L3MBTL3: variants seen among roughly 807,000 people sequenced by gnomAD.
L3MBTL3 encodes L3MBTL histone methyl-lysine binding protein 3.
A neutral mutation model predicts 102.3 loss-of-function variants in L3MBTL3; 27 were observed. The observed-to-expected ratio is 0.26, with a 90% CI of 0.19 to 0.36. The LOEUF (loss-of-function observed/expected upper bound fraction) is 0.36. Ranked by LOEUF, L3MBTL3 falls within the 10% of genes least tolerant of loss-of-function variation. L3MBTL3 has a pLI of 1.00. For synonymous variants in L3MBTL3, 340 were observed against 320.9 expected, an observed-to-expected ratio of 1.06 and a Z score of -0.64; for missense variants, 798 against 955.3, an observed-to-expected ratio of 0.84 and a Z score of 2.17.
At chr6:130,056,648 G>A (rs1203063530) in intron 8 of L3MBTL3, among the ~76,000 whole-genome samples, 2 of 152,104 alleles carry the variant, frequency 1.3e-5, no homozygotes, top group African/African-American at 4.8e-5. Flanking sequence ...TCTGCACTCT[G>A]CCTCCAAATG....
intron 20 of L3MBTL3, among the ~76,000 whole-genome samples, chr6:130,122,586 TAGAA>T (rs1786306293): frequency 6.6e-6 from 1 of 152,236 alleles, no homozygotes; most frequent in South Asian, 2.1e-4. Context: ...GCCTGGCACA[TAGAA>T]AGTGCTATGC....
intron 10 of L3MBTL3, among the ~76,000 whole-genome samples, chr6:130,061,297 C>G (rs1202320662): frequency 6.6e-6 from 1 of 152,120 alleles, no homozygotes; most frequent in African/African-American, 2.4e-5. Context: ...GTTGGCCAGG[C>G]TGGTCTCGAA....
At position 130,116,862 on chromosome 6, in the gene L3MBTL3, G is replaced by A. The variant is rs189538700; in HGVS notation, c.1887-4017G>A. ...AGGAAAGCAGGTCAGGAAATGTTTA[G>A]GTTGACAATAATTGTGGTATTAAAA... On this transcript the variant is annotated intron_variant, in intron 19 of 22. Coordinates refer to ENST00000361794, the MANE Select transcript of L3MBTL3 (RefSeq NM_032438.4). 7.7e-3 allele frequency among the ~76,000 whole-genome samples: 1,174 copies of A among 151,922 alleles called. 61 individuals carry two copies. The highest frequency in any genetic ancestry group is 0.07 in the Admixed American group (1,063 of 15,268).
chr6:130,035,666 A>G (rs566912746), intron 2 of L3MBTL3, among the ~76,000 whole-genome samples: 3 of 152,330 alleles, frequency 2.0e-5, no homozygotes, highest in Admixed American at 1.3e-4. Context: ...CTGGGCATCA[A>G]TGCCTTTGGT....
chr6:130,094,495 C>A (rs1784242862), intron 18 of L3MBTL3, 128 bp downstream of exon 18: 1 of 478,870 alleles, frequency 2.1e-6, no homozygotes, highest in Non-Finnish European at 3.6e-6. Flanking sequence ...AATGTGGTTA[C>A]CATGGTGATC....
intron 10 of L3MBTL3, among the ~76,000 whole-genome samples, chr6:130,065,343 G>A (rs1184690866): frequency 6.6e-6 from 1 of 152,016 alleles, no homozygotes; most frequent in East Asian, 1.9e-4. Context: ...ATATACTTAT[G>A]TATATACACA....
At chr6:130,098,794 C>T (rs1471605089) in intron 18 of L3MBTL3, among the ~76,000 whole-genome samples, 1 of 151,816 alleles carries the variant, frequency 6.6e-6, no homozygotes, top group Non-Finnish European at 1.5e-5. Context: ...GCACTGAAGT[C>T]CCTGCTCTTA....
In L3MBTL3 at chr6:130,104,530, A is replaced by G. The variant is rs539854233; in HGVS notation, c.1841A>G (p.Asn614Ser). 3 of 1,592,716 alleles carry G rather than the reference A, an allele frequency of 1.9e-6. No individual in the cohort carries two copies. Among genetic ancestry groups the G allele is most frequent in the East Asian group, 2.3e-5 (1 of 44,002 alleles). Reference protein sequence around the residue: ...MPPASPSFPRNKRTDANESSS... With the variant: ...MPPASPSFPRSKRTDANESSS... Reference sequence around the variant, plus strand: ...CCGGCTAGTCCGTCATTTCCAAGAAATAAAAGGACAGATGCAAATGAAAGC... The same window carrying G: ...CCGGCTAGTCCGTCATTTCCAAGAAGTAAAAGGACAGATGCAAATGAAAGC... The change falls in exon 19 of 23, where the codon AAT becomes AGT. Residue 614 changes from asparagine (N) to serine (S), a missense_variant. Physicochemically the swap from Asn to Ser is conservative, Grantham distance 46. Transcript: ENST00000361794.
intron 20 of L3MBTL3, among the ~76,000 whole-genome samples, chr6:130,123,800 A>C (rs965562859): frequency 6.6e-6 from 1 of 152,126 alleles, no homozygotes; most frequent in Non-Finnish European, 1.5e-5. Flanking sequence ...CCTAAAATCC[A>C]GGGAGCTTTG....
In L3MBTL3 at chr6:130,133,095, C is replaced by A. The variant is rs550926656; in HGVS notation, c.1967-357C>A. Among the ~76,000 whole-genome samples, 2 of 152,138 alleles carry A rather than the reference C, an allele frequency of 1.3e-5. No homozygotes were observed. Among genetic ancestry groups the A allele is most frequent in the Non-Finnish European group, 2.9e-5 (2 of 68,042 alleles). On this transcript the variant is annotated intron_variant, in intron 20 of 22. Coordinates refer to ENST00000361794, the MANE Select transcript of L3MBTL3 (RefSeq NM_032438.4). The surrounding 1 kb of genome is among the most constrained non-coding windows in gnomAD (Gnocchi z 4.9). The stretch of plus-strand genomic sequence containing the variant: ...AACTTGGCTGTTACCTTTACAACAT[C>A]CAAAGCAGAAAGGGGAGCAAATAAA...
chr6:130,104,721 A>G, intron 19 of L3MBTL3, 146 bp downstream of exon 19: 1 of 513,372 alleles, frequency 1.9e-6, no homozygotes, highest in Non-Finnish European at 3.1e-6. Context: ...GATGGTAGAG[A>G]TCAGTACTTG....
chr6:130,083,442 T>C (rs1351712067), intron 14 of L3MBTL3, among the ~76,000 whole-genome samples, 178 bp from the exon 15 acceptor site: 1 of 151,952 alleles, frequency 6.6e-6, no homozygotes, highest in African/African-American at 2.4e-5. Flanking sequence ...AGAAAAATAA[T>C]GATCAAGATG....
intron 1 of L3MBTL3, among the ~76,000 whole-genome samples, chr6:130,019,105 G>A (rs1347005248): frequency 2.0e-5 from 3 of 151,524 alleles, no homozygotes; most frequent in Non-Finnish European, 4.4e-5. Flanking sequence ...CGGCCGCGTT[G>A]GGCTCAGGCT....
chr6:130,058,374 C>T (rs1300962808), intron 9 of L3MBTL3, among the ~76,000 whole-genome samples: 1 of 151,796 alleles, frequency 6.6e-6, no homozygotes, highest in Non-Finnish European at 1.5e-5. Context: ...TGGCACATGC[C>T]TGCCTGCAGT....
intron 10 of L3MBTL3, among the ~76,000 whole-genome samples, chr6:130,062,927 C>T (rs2114928061): frequency 6.6e-6 from 1 of 151,274 alleles, no homozygotes; most frequent in Admixed American, 6.6e-5. Flanking sequence ...ATGCTTATTG[C>T]TCCTTTTCAT....
At chr6:130,124,741 C>T (rs376816713) in intron 20 of L3MBTL3, among the ~76,000 whole-genome samples, 12 of 152,182 alleles carry the variant, frequency 7.9e-5, no homozygotes, top group South Asian at 4.2e-4. Flanking sequence ...GAGGCCGAGG[C>T]GGGTGGATCA....
At chr6:130,076,135 TAG>T (rs1782935843) in intron 13 of L3MBTL3, among the ~76,000 whole-genome samples, 1 of 152,160 alleles carries the variant, frequency 6.6e-6, no homozygotes, top group Non-Finnish European at 1.5e-5. Flanking sequence ...AATAAATTGG[TAG>T]AGTCATCATG....
chr6:130,085,087 C>G (rs774806794), intron 15 of L3MBTL3, among the ~76,000 whole-genome samples: 25 of 152,188 alleles, frequency 1.6e-4, no homozygotes, highest in Admixed American at 2.6e-4. Flanking sequence ...ACCTCGGCCT[C>G]CCAAAGTGCT....
chr6:130,027,551 C>T (rs1327487082), intron 2 of L3MBTL3, among the ~76,000 whole-genome samples: 2 of 152,096 alleles, frequency 1.3e-5, no homozygotes, highest in Non-Finnish European at 2.9e-5. Context: ...CTTAGCTGTT[C>T]AGTCTATTGA....
Sources: allele counts gnomAD v4.1 joint callset (sites outside exome capture counted in the v4.1 genomes callset), GRCh38; gene constraint gnomAD v4.1.1; non-coding constraint Gnocchi (gnomAD v3.1); transcripts MANE v1.5; gene names NCBI Gene and HGNC (gene_info 2026-07-23, HGNC 2026-07-21).